HCLS1: variants seen among roughly 807,000 people sequenced by gnomAD.
The protein encoded by HCLS1 is hematopoietic cell-specific Lyn substrate 1.
A neutral mutation model predicts 68.6 loss-of-function variants in HCLS1; 44 were observed. The ratio of observed to expected loss-of-function variants is 0.64; its 90% CI spans 0.50 to 0.82. The LOEUF (loss-of-function observed/expected upper bound fraction) is 0.82, where lower values mean the gene tolerates loss of function less well. HCLS1 is among the 40% of genes least tolerant of loss of function. The probability of loss-of-function intolerance (pLI) is 0.00; values close to 1 mark genes in which losing one functional copy is unlikely to be tolerated. For synonymous variants in HCLS1, 217 were observed against 225.8 expected (o/e 0.96, Z 0.35); for missense variants, 602 against 612.1 (o/e 0.98, Z 0.17).
intron 3 of HCLS1, among the ~76,000 whole-genome samples, chr3:121,648,835 C>T (rs1937666348): frequency 6.6e-6 from 1 of 152,164 alleles, no homozygotes; most frequent in South Asian, 2.1e-4. Context: ...CCTCTAAACT[C>T]TCTGGCAGCG....
intron 3 of HCLS1, among the ~76,000 whole-genome samples, chr3:121,653,095 T>G (rs1466120314): frequency 2.4e-4 from 36 of 152,186 alleles, no homozygotes; most frequent in Non-Finnish European, 8.8e-5. Flanking sequence ...GAGACCCATG[T>G]GTAAACAGGA....
intron 5 of HCLS1, chr3:121,644,464 A>G: frequency 2.8e-6 from 1 of 359,418 alleles, no homozygotes; most frequent in African/African-American, 2.1e-5. Flanking sequence ...CCTAAACGGC[A>G]TGAGTATTTA....
intron 3 of HCLS1, chr3:121,656,232 G>A (rs1937868026): frequency 6.6e-6 from 1 of 152,312 alleles, no homozygotes; most frequent in African/African-American, 2.4e-5. Flanking sequence ...TATGTTGCTT[G>A]TGCAATGTGG....
intron 1 of HCLS1, among the ~76,000 whole-genome samples, chr3:121,658,926 G>T (rs1364870771): frequency 1.3e-5 from 2 of 152,172 alleles, no homozygotes; most frequent in Non-Finnish European, 2.9e-5. Context: ...AGCTGTGTAA[G>T]GTCAGCAGCG....
At chr3:121,646,210 AT>A (rs1245068707) in intron 4 of HCLS1, among the ~76,000 whole-genome samples, 4 of 110,194 alleles carry the variant, frequency 3.6e-5, no homozygotes, top group African/African-American at 1.1e-4. Flanking sequence ...TATTATTTAT[AT>A]TTTTATATAT....
intron 9 of HCLS1, among the ~76,000 whole-genome samples, chr3:121,634,849 C>T (rs2049133910): frequency 6.6e-6 from 1 of 152,174 alleles, no homozygotes; most frequent in Non-Finnish European, 1.5e-5. Flanking sequence ...CCAGCCTCAT[C>T]TTGAACTCCT....
At chr3:121,642,648 C>T (rs911443670) in intron 6 of HCLS1, among the ~76,000 whole-genome samples, 1 of 151,988 alleles carries the variant, frequency 6.6e-6, no homozygotes, top group Non-Finnish European at 1.5e-5. Flanking sequence ...TGGTGGTGCA[C>T]ACTTGTAGTC....
At position 121,647,175 on chromosome 3, in the gene HCLS1, G is replaced by T. The variant is rs889985315; in HGVS notation, c.288+144C>A. The T allele has an allele frequency of 1.5e-5, 11 of 751,586 alleles. No individual in the cohort carries two copies. In the East Asian group the frequency reaches 1.9e-4, roughly 13 times the overall value. 46.6% of individuals were successfully genotyped at this position (751,586 alleles called of 1,614,324 possible). A position where few individuals can be genotyped will look rare whatever the true frequency, so the allele number is the denominator to read the frequency against. ...TTTTTGTATTTTTAGTAGAGATGGG[G>T]TTTCACCGTGTTAGCCAGGATGGTC... On this transcript the variant is annotated intron_variant, in intron 4 of 13. Coordinates refer to ENST00000314583, the MANE Select transcript of HCLS1 (RefSeq NM_005335.6).
intron 3 of HCLS1, among the ~76,000 whole-genome samples, chr3:121,654,880 A>C (rs1560144446): frequency 6.6e-6 from 1 of 152,308 alleles, no homozygotes; most frequent in East Asian, 1.9e-4. Context: ...AGACTGACTT[A>C]GCCCACACTA....
intron 1 of HCLS1, among the ~76,000 whole-genome samples, chr3:121,659,404 C>A (rs559137693): frequency 9.8e-5 from 15 of 152,296 alleles, no homozygotes; most frequent in African/African-American, 3.6e-4. Flanking sequence ...TCCTCAGACA[C>A]CTCATCCCAT....
intron 11 of HCLS1, among the ~76,000 whole-genome samples, 166 bp from the exon 12 acceptor site, chr3:121,632,729 C>T (rs932816292): frequency 1.3e-5 from 2 of 152,160 alleles, no homozygotes; most frequent in African/African-American, 4.8e-5. Flanking sequence ...CATCTTCATT[C>T]TTCAATCTCC....
At chr3:121,660,463 T>C (rs1388674625) in intron 1 of HCLS1, among the ~76,000 whole-genome samples, 1 of 152,184 alleles carries the variant, frequency 6.6e-6, no homozygotes, top group Non-Finnish European at 1.5e-5. Context: ...TGAGACCATA[T>C]GCTCTTCAAG....
At chr3:121,658,709 G>A (rs1386363949) in intron 1 of HCLS1, among the ~76,000 whole-genome samples, 1 of 152,196 alleles carries the variant, frequency 6.6e-6, no homozygotes. Context: ...GCAATGAGCG[G>A]TGCTATAATA....
At chr3:121,632,300 C>T (rs753577860) in intron 12 of HCLS1, 32 bp downstream of exon 12, 1 of 1,611,268 alleles carries the variant, frequency 6.2e-7, no homozygotes, top group Admixed American at 1.7e-5. Flanking sequence ...TGGACATGAG[C>T]AAATTCTCCT....
In HCLS1 at chr3:121,647,430, G is replaced by C; in HGVS notation, c.177C>G (p.Asn59Lys). The C allele has an allele frequency of 6.2e-7, 1 of 1,613,980 alleles. No individual in the cohort carries two copies. Among genetic ancestry groups the C allele is most frequent in the Non-Finnish European group, 8.5e-7 (1 of 1,179,992 alleles). The change falls in exon 4 of 14, where the codon AAC (asparagine) becomes AAG (lysine). Residue 59 changes from asparagine (N) to lysine (K), a missense_variant. Coordinates refer to ENST00000314583, the MANE Select transcript of HCLS1 (RefSeq NM_005335.6). ...TEHINIHQLR[N>K]KVSEEHDVLR... ...GAACATCATGCTCCTCTGATACTTT[G>C]TTCCTCAGCTGGTGGATGCTGGAAG... is the stretch of plus-strand genomic sequence containing the variant.
intron 3 of HCLS1, among the ~76,000 whole-genome samples, chr3:121,651,133 A>C (rs1427114701): frequency 1.3e-5 from 2 of 152,060 alleles, no homozygotes; most frequent in East Asian, 1.9e-4. Context: ...ATCAATCAAT[A>C]AATAATCAAT....
At chr3:121,639,023 A>G (rs56676179) in intron 6 of HCLS1, among the ~76,000 whole-genome samples, 3,009 of 52,682 alleles carry the variant, frequency 0.057, 212 homozygotes, top group East Asian at 0.46. Flanking sequence ...ACACACACAC[A>G]CGCACACACA....
intron 4 of HCLS1, among the ~76,000 whole-genome samples, chr3:121,645,935 T>C (rs1223124629): frequency 1.4e-5 from 2 of 140,594 alleles, no homozygotes; most frequent in African/African-American, 2.6e-5. Context: ...AAAATATACA[T>C]AATATAAATT....
intron 3 of HCLS1, among the ~76,000 whole-genome samples, chr3:121,655,316 C>A (rs962996891): frequency 2.0e-5 from 3 of 152,050 alleles, no homozygotes; most frequent in Admixed American, 2.0e-4. Flanking sequence ...CCTATATTAA[C>A]AGGAAACAAA....
Sources: gnomAD v4.1 joint callset for allele counts (sites outside exome capture counted in the v4.1 genomes callset) on GRCh38, gnomAD v4.1.1 for gene constraint, MANE v1.5 for transcripts, NCBI Gene and HGNC (gene_info 2026-07-23, HGNC 2026-07-21) for gene names.